Variants in APP observed in about 807,000 individuals in gnomAD.
APP encodes amyloid beta precursor protein.
Under a neutral mutation model 101.4 loss-of-function variants are expected in APP, and 31 were observed. That is an observed-to-expected ratio of 0.31 (90% confidence interval 0.23 to 0.41). APP has a LOEUF of 0.41. Ranked by LOEUF, APP falls within the 10% of genes least tolerant of loss-of-function variation. The probability of loss-of-function intolerance (pLI) is 1.00; values close to 1 mark genes in which losing one functional copy is unlikely to be tolerated. For missense variants in APP, 839 were observed against 1,003.7 expected, an observed-to-expected ratio of 0.84 and a Z score of 2.22; for synonymous variants, 366 against 364.4, an observed-to-expected ratio of 1.00 and a Z score of -0.05.
intron 11 of APP, among the ~76,000 whole-genome samples, chr21:25,963,146 T>C (rs1473041546): frequency 6.6e-6 from 1 of 152,196 alleles, no homozygotes; most frequent in East Asian, 1.9e-4. Flanking sequence ...CCCCATTTCT[T>C]AGACGTATTT....
At chr21:25,942,827 G>A (rs1453575164) in intron 13 of APP, 1 of 152,088 alleles carries the variant, frequency 6.6e-6, no homozygotes, top group Admixed American at 6.5e-5. Context: ...GTAACGCTCA[G>A]GGTATTAAGT....
At chr21:26,151,550 C>T (rs1423997193) in intron 1 of APP, among the ~76,000 whole-genome samples, 2 of 152,126 alleles carry the variant, frequency 1.3e-5, no homozygotes, top group African/African-American at 2.4e-5. Flanking sequence ...TAGCAGTGGT[C>T]CCCAGCCTTT....
intron 1 of APP, chr21:26,140,082 G>A (rs2146305548): frequency 2.6e-6 from 3 of 1,134,746 alleles, no homozygotes; most frequent in East Asian, 5.1e-5. Flanking sequence ...AGATATTACT[G>A]TCTGAGAACA....
chr21:26,044,308 A>G (rs1227402174), intron 5 of APP, among the ~76,000 whole-genome samples: 1 of 152,190 alleles, frequency 6.6e-6, no homozygotes, highest in African/African-American at 2.4e-5. Flanking sequence ...ATCTCTTTAA[A>G]AAGCATGATA....
At chr21:26,035,246 G>A (rs549655553) in intron 5 of APP, among the ~76,000 whole-genome samples, 1 of 152,278 alleles carries the variant, frequency 6.6e-6, no homozygotes, top group South Asian at 2.1e-4. Context: ...CAGCCTAGGT[G>A]ACAGAGCAGG....
At chr21:26,118,884 G>GA (rs5843211) in intron 1 of APP, among the ~76,000 whole-genome samples, 23 of 149,310 alleles carry the variant, frequency 1.5e-4, no homozygotes, top group South Asian at 2.1e-4. Context: ...TCACCAAAGG[G>GA]AAAAAAAAAT....
At chr21:26,010,346 T>C (rs2043736316) in intron 6 of APP, among the ~76,000 whole-genome samples, 1 of 152,234 alleles carries the variant, frequency 6.6e-6, no homozygotes, top group Non-Finnish European at 1.5e-5. Context: ...ATAAAGCTAC[T>C]AGACTACATT....
intron 1 of APP, among the ~76,000 whole-genome samples, chr21:26,156,123 T>C (rs578251612): frequency 6.6e-6 from 1 of 152,380 alleles, no homozygotes; most frequent in South Asian, 2.1e-4. Context: ...TTGTGGCCTT[T>C]TTGTTTTCTT....
chr21:25,908,281 C>A, intron 14 of APP, among the ~76,000 whole-genome samples: 1 of 152,174 alleles, frequency 6.6e-6, no homozygotes, highest in Non-Finnish European at 1.5e-5. Flanking sequence ...AATCACAGCA[C>A]ATTGGAAAAC....
intron 1 of APP, among the ~76,000 whole-genome samples, chr21:26,126,236 T>C (rs2062681400): frequency 6.6e-6 from 1 of 152,260 alleles, no homozygotes; most frequent in African/African-American, 2.4e-5. Flanking sequence ...CTGTTGTTCA[T>C]AGCATGTAAT....
chr21:26,169,471 C>CG, intron 1 of APP: 1 of 153,018 alleles, frequency 6.5e-6, no homozygotes, highest in Non-Finnish European at 1.5e-5. Flanking sequence ...GGACAGAGCC[C>CG]GTGCCTCCCC....
chr21:25,939,456 C>G (rs1210958530), intron 13 of APP, among the ~76,000 whole-genome samples: 1 of 152,220 alleles, frequency 6.6e-6, no homozygotes, highest in South Asian at 2.1e-4. Flanking sequence ...GGATCTACTT[C>G]ACACTTGAAG....
chr21:25,958,147 C>T (rs1486506497), intron 11 of APP, among the ~76,000 whole-genome samples: 2 of 152,172 alleles, frequency 1.3e-5, no homozygotes, highest in Non-Finnish European at 2.9e-5. Context: ...TGGCCCCAGG[C>T]TGGCCTTGGC....
chr21:25,974,776 C>T (rs576342353), intron 11 of APP, among the ~76,000 whole-genome samples: 3 of 152,250 alleles, frequency 2.0e-5, no homozygotes, highest in East Asian at 3.9e-4. Flanking sequence ...CATCAATTGT[C>T]ACCACCTCAG....
intron 1 of APP, among the ~76,000 whole-genome samples, chr21:26,164,894 A>G (rs1300425402): frequency 6.6e-6 from 1 of 150,732 alleles, no homozygotes; most frequent in Non-Finnish European, 1.5e-5. Context: ...TGTTATGTGG[A>G]AAAAAAGAAA....
chr21:26,029,028 G>A (rs1294202800), intron 5 of APP, among the ~76,000 whole-genome samples: 1 of 152,136 alleles, frequency 6.6e-6, no homozygotes, highest in African/African-American at 2.4e-5. Context: ...ATGGATGGCT[G>A]AGGCAGGGGT....
chr21:25,986,599 C>T (rs2146618089), intron 8 of APP, among the ~76,000 whole-genome samples: 1 of 145,716 alleles, frequency 6.9e-6, no homozygotes, highest in Non-Finnish European at 1.5e-5. Flanking sequence ...ACTTGGGAGG[C>T]TGAGGCAGGA....
At chr21:25,933,507 G>A (rs2040235074) in intron 13 of APP, among the ~76,000 whole-genome samples, 1 of 152,132 alleles carries the variant, frequency 6.6e-6, no homozygotes, top group Non-Finnish European at 1.5e-5. Flanking sequence ...TAAATACTAG[G>A]TCTTGCTTCT....
chr21:26,093,691 C>A (rs550227955), intron 2 of APP, among the ~76,000 whole-genome samples: 1 of 152,260 alleles, frequency 6.6e-6, no homozygotes, highest in Middle Eastern at 3.4e-3. Flanking sequence ...AGTGATCAGC[C>A]AAACACAGAA....
Sources: allele counts gnomAD v4.1 joint callset (sites outside exome capture counted in the v4.1 genomes callset), GRCh38; gene constraint gnomAD v4.1.1; transcripts MANE v1.5; gene names NCBI Gene and HGNC (gene_info 2026-07-23, HGNC 2026-07-21).